SLC39A14: variants seen among roughly 807,000 people sequenced by gnomAD.
SLC39A14 encodes the protein metal cation symporter ZIP14.
SLC39A14 carries 19 observed loss-of-function variants against 45.5 expected under a neutral mutation model. The observed-to-expected ratio is 0.42, with a 90% CI of 0.29 to 0.61. The LOEUF is 0.61. Ranked by LOEUF, SLC39A14 falls within the 20% of genes least tolerant of loss-of-function variation. SLC39A14 has a pLI of 0.22. For synonymous variants in SLC39A14, 264 were observed against 251.3 expected (o/e 1.05, Z -0.48); for missense variants, 447 against 616.5 (o/e 0.73, Z 2.91).
At chr8:22,401,376 G>A (rs1239446192) in intron 1 of SLC39A14, among the ~76,000 whole-genome samples, 1 of 152,048 alleles carries the variant, frequency 6.6e-6, no homozygotes, top group Admixed American at 6.6e-5. Flanking sequence ...TTCTTGGTCT[G>A]GAGAAAGGAG....
intron 1 of SLC39A14, among the ~76,000 whole-genome samples, chr8:22,386,454 A>G (rs902028329): frequency 1.3e-5 from 2 of 149,670 alleles, no homozygotes; most frequent in Non-Finnish European, 3.0e-5. Flanking sequence ...TTTAGTAGAG[A>G]TGGGGTTTCG....
intron 1 of SLC39A14, among the ~76,000 whole-genome samples, chr8:22,401,205 C>T (rs1834831105): frequency 6.6e-6 from 1 of 152,224 alleles, no homozygotes; most frequent in South Asian, 2.1e-4. Context: ...TCCAAGATCA[C>T]ATTGCTGGTA....
chr8:22,416,904 G>A (rs1156349302), intron 7 of SLC39A14, among the ~76,000 whole-genome samples: 3 of 152,166 alleles, frequency 2.0e-5, no homozygotes, highest in Admixed American at 6.5e-5. Flanking sequence ...GAAAACAAAG[G>A]GTGAGAGGGA....
At chr8:22,425,089 G>T (rs1836362064), downstream of SLC39A14, among the ~76,000 whole-genome samples, 1 of 151,040 alleles carries the variant, frequency 6.6e-6, no homozygotes, top group Non-Finnish European at 1.5e-5. Flanking sequence ...TGTTGGTGGA[G>T]ATGCTCACTT....
intron 3 of SLC39A14, among the ~76,000 whole-genome samples, 173 bp downstream of exon 3, chr8:22,408,669 G>A (rs1835375452): frequency 1.3e-5 from 2 of 152,176 alleles, no homozygotes; most frequent in African/African-American, 4.8e-5. Flanking sequence ...TTTGTATTTT[G>A]CAAGGATGGC....
At chr8:22,386,890 C>T (rs1307130407) in intron 1 of SLC39A14, among the ~76,000 whole-genome samples, 3 of 152,066 alleles carry the variant, frequency 2.0e-5, no homozygotes, top group South Asian at 2.1e-4. Context: ...AGGCTATTGT[C>T]GGCCAATCGT....
intron 3 of SLC39A14, among the ~76,000 whole-genome samples, chr8:22,408,836 T>TTC (rs35437680): frequency 6.6e-6 from 1 of 151,056 alleles, no homozygotes; most frequent in African/African-American, 2.4e-5. Context: ...TTTTTTTTTT[T>TTC]CTGAGATAGG....
Position 22,419,455 on chromosome 8 carries a change from G to A in SLC39A14, c.1333-97G>A, listed in dbSNP as rs550922480. On this transcript the variant is annotated intron_variant, in intron 8 of 8. Coordinates refer to ENST00000381237, the MANE Select transcript of SLC39A14 (RefSeq NM_001128431.4). ...GCACCTGGCCCTGATAATTTTCTTT[G>A]TCAACCAACCTGATCTATATCTCCA... The A allele has an allele frequency of 5.5e-5, 71 of 1,282,512 alleles. 1 individual carries two copies. The South Asian group carries it at 9.5e-4, about 17-fold the overall frequency. The allele number at this position is 1,282,512 out of a possible 1,614,324, so 79.4% of individuals were successfully genotyped here.
At chr8:22,402,445 G>C (rs1476033404) in intron 1 of SLC39A14, among the ~76,000 whole-genome samples, 1 of 151,956 alleles carries the variant, frequency 6.6e-6, no homozygotes, top group Non-Finnish European at 1.5e-5. Context: ...TTATTCTATT[G>C]CTTAGCCTCA....
chr8:22,394,866 A>G (rs974260634), intron 1 of SLC39A14, among the ~76,000 whole-genome samples: 3 of 152,046 alleles, frequency 2.0e-5, no homozygotes, highest in Non-Finnish European at 2.9e-5. Flanking sequence ...CTCGGCTCAT[A>G]GTTTCTTTTG....
At chr8:22,412,772 C>T (rs1450831083) in intron 4 of SLC39A14, among the ~76,000 whole-genome samples, 15 of 152,016 alleles carry the variant, frequency 9.9e-5, no homozygotes, top group African/African-American at 1.4e-4. Context: ...GGTGAAACCC[C>T]GTCTATACTA....
chr8:22,386,563 A>AC (rs1833807400), intron 1 of SLC39A14, among the ~76,000 whole-genome samples: 1 of 152,114 alleles, frequency 6.6e-6, no homozygotes, highest in Non-Finnish European at 1.5e-5. Flanking sequence ...CACCGTGCCC[A>AC]CCCCAGATGA....
At chr8:22,368,580 A>G (rs1832768808) in intron 1 of SLC39A14, among the ~76,000 whole-genome samples, 1 of 151,414 alleles carries the variant, frequency 6.6e-6, no homozygotes, top group Non-Finnish European at 1.5e-5. Context: ...TCTGTTGCCC[A>G]CGCAAGAGTG....
chr8:22,375,291 G>A (rs953941843), intron 1 of SLC39A14, among the ~76,000 whole-genome samples: 2 of 149,132 alleles, frequency 1.3e-5, no homozygotes, highest in African/African-American at 4.9e-5. Context: ...ATTATTAAAA[G>A]TAATGCATGC....
At chr8:22,430,516 C>G (rs1302669672) in intron 8 of SLC39A14, among the ~76,000 whole-genome samples, 4 of 152,154 alleles carry the variant, frequency 2.6e-5, no homozygotes, top group Non-Finnish European at 5.9e-5. Context: ...ATTTTTGGTC[C>G]AAGCAACTTG....
intron 1 of SLC39A14, among the ~76,000 whole-genome samples, chr8:22,392,126 A>T (rs137923574): frequency 6.6e-6 from 1 of 152,332 alleles, no homozygotes; most frequent in African/African-American, 2.4e-5. Context: ...TAGCCAGAGA[A>T]AAGTGCTGGA....
intron 4 of SLC39A14, among the ~76,000 whole-genome samples, chr8:22,412,947 C>T (rs1177811226): frequency 6.6e-6 from 1 of 152,160 alleles, no homozygotes; most frequent in African/African-American, 2.4e-5. Flanking sequence ...TCAAAACAAA[C>T]AAACAAACTC....
intron 1 of SLC39A14, among the ~76,000 whole-genome samples, chr8:22,385,936 C>G (rs941598817): frequency 1.3e-5 from 2 of 152,024 alleles, no homozygotes; most frequent in Non-Finnish European, 2.9e-5. Flanking sequence ...TCAATTTGTA[C>G]TTTATTTTAT....
intron 1 of SLC39A14, among the ~76,000 whole-genome samples, chr8:22,384,782 G>T (rs979858060): frequency 6.8e-6 from 1 of 147,644 alleles, no homozygotes; most frequent in African/African-American, 2.5e-5. Context: ...GGGCACGGTG[G>T]CTCATGCCTG....
Sources: gnomAD v4.1 joint callset for allele counts (sites outside exome capture counted in the v4.1 genomes callset) on GRCh38, gnomAD v4.1.1 for gene constraint, MANE v1.5 for transcripts, NCBI Gene and HGNC (gene_info 2026-07-23, HGNC 2026-07-21) for gene names.